The following SLC35F1 variants were observed in gnomAD, a reference collection of about 807,000 sequenced individuals.
SLC35F1 encodes the protein solute carrier family 35 member F1, also known as chromosome 6 open reading frame 169.
In SLC35F1, 14 loss-of-function variants were observed where a neutral mutation model predicts 48.7. The ratio of observed to expected loss-of-function variants is 0.29; its 90% CI spans 0.19 to 0.45. SLC35F1 has a LOEUF of 0.45. Ranked by LOEUF, SLC35F1 falls within the 20% of genes least tolerant of loss-of-function variation. SLC35F1 has a pLI of 1.00. For synonymous variants in SLC35F1, 190 were observed against 202.2 expected (o/e 0.94, Z 0.51); for missense variants, 404 against 500.0 (o/e 0.81, Z 1.83).
intron 3 of SLC35F1, among the ~76,000 whole-genome samples, chr6:118,261,790 G>A (rs1775715702): frequency 6.6e-6 from 1 of 152,104 alleles, no homozygotes; most frequent in South Asian, 2.1e-4. Flanking sequence ...AAGCACCGAT[G>A]ACCCAGAGGA....
intron 1 of SLC35F1, among the ~76,000 whole-genome samples, chr6:118,011,075 A>C (rs1424567709): frequency 6.6e-6 from 1 of 152,170 alleles, no homozygotes; most frequent in East Asian, 1.9e-4. Flanking sequence ...AGTGGTCCCC[A>C]ACCTTTTTGG....
intron 1 of SLC35F1, among the ~76,000 whole-genome samples, chr6:118,146,875 T>G (rs1418272864): frequency 6.6e-6 from 1 of 152,186 alleles, no homozygotes; most frequent in Non-Finnish European, 1.5e-5. Flanking sequence ...ATAAAAGGAA[T>G]AGATTTTAGG....
intron 7 of SLC35F1, among the ~76,000 whole-genome samples, chr6:118,302,211 A>G (rs1469496898): frequency 6.6e-6 from 1 of 152,166 alleles, no homozygotes; most frequent in Non-Finnish European, 1.5e-5. Context: ...ATGAGTGGGT[A>G]CCAATGCAAA....
rs10529265 is a variant in SLC35F1 at position 118,182,519 on chromosome 6, AGAAGGAAGGAAGGAAGGAAG to A, written c.349+27924_349+27943del. Among the ~76,000 whole-genome samples, 319 of 106,342 alleles carry A rather than the reference AGAAGGAAGGAAGGAAGGAAG, an allele frequency of 3.0e-3. 1 individual carries two copies. Among genetic ancestry groups the A allele is most frequent in the African/African-American group, 8.3e-3 (259 of 31,146 alleles). 69.8% of individuals were successfully genotyped at this position (106,342 alleles called of 152,430 possible). On this transcript the variant is annotated intron_variant, in intron 2 of 7. Transcript: ENST00000360388. ...AAAAAAAAGAAAGAGAGAGAGAGAGAGAAGGAAGGAAGGAAGGAAGGAAGGAAGGAAGGAAGGAAGGAAGA... is the reference window on the plus strand; with the variant it reads ...AAAAAAAAGAAAGAGAGAGAGAGAGAGAAGGAAGGAAGGAAGGAAGGAAGA...
intron 2 of SLC35F1, among the ~76,000 whole-genome samples, chr6:118,192,455 A>G (rs865932309): frequency 6.6e-6 from 1 of 151,898 alleles, no homozygotes; most frequent in African/African-American, 2.4e-5. Flanking sequence ...CCTTTCATGA[A>G]CCTCCTAAAA....
intron 2 of SLC35F1, among the ~76,000 whole-genome samples, chr6:118,159,220 C>CAAAAAAAA (rs60060945): frequency 2.7e-4 from 12 of 43,852 alleles, no homozygotes; most frequent in African/African-American, 1.2e-3. Context: ...GACTCTGTCT[C>CAAAAAAAA]AAAAAAAAAA....
intron 1 of SLC35F1, chr6:117,999,390 C>T: frequency 1.3e-6 from 2 of 1,583,632 alleles, no homozygotes; most frequent in Non-Finnish European, 1.7e-6. Context: ...GCAGCTCCAG[C>T]TTCAGTTCCA....
intron 1 of SLC35F1, among the ~76,000 whole-genome samples, chr6:118,073,404 T>G (rs1439864919): frequency 6.6e-6 from 1 of 152,230 alleles, no homozygotes; most frequent in Non-Finnish European, 1.5e-5. Context: ...CTATTATAAC[T>G]GCCTCATAGG....
chr6:118,223,950 T>C (rs1178593366), intron 2 of SLC35F1, among the ~76,000 whole-genome samples: 1 of 152,178 alleles, frequency 6.6e-6, no homozygotes, highest in East Asian at 1.9e-4. Flanking sequence ...GGCTCTTTGT[T>C]CAAAACAAAA....
chr6:118,184,391 A>C lies in SLC35F1; in HGVS notation c.349+29771A>C, dbSNP rs116086363. ...CCACAGTGTGGAATCTCTCCCAGAT[A>C]CTCTGTTAAAGGGAGTAACACACTA... On this transcript the variant is annotated intron_variant, in intron 2 of 7. Coordinates refer to ENST00000360388, the MANE Select transcript of SLC35F1 (RefSeq NM_001029858.4). Among the ~76,000 whole-genome samples the C allele has an allele frequency of 1.5e-3, 227 of 152,214 alleles. 1 individual carries two copies. Among genetic ancestry groups the C allele is most frequent in the African/African-American group, 5.1e-3 (213 of 41,540 alleles).
intron 1 of SLC35F1, among the ~76,000 whole-genome samples, chr6:117,952,141 T>C (rs1184532043): frequency 2.0e-5 from 3 of 152,222 alleles, no homozygotes; most frequent in Non-Finnish European, 4.4e-5. Context: ...TGCATTCCGA[T>C]GGATTGAGTC....
At chr6:117,908,909 A>G (rs1775730158) in intron 1 of SLC35F1, among the ~76,000 whole-genome samples, 1 of 152,192 alleles carries the variant, frequency 6.6e-6, no homozygotes, top group Non-Finnish European at 1.5e-5. Context: ...TGGGTAGCAG[A>G]GATTCCCAAC....
At chr6:117,931,316 C>A (rs1320485029) in intron 1 of SLC35F1, among the ~76,000 whole-genome samples, 1 of 152,132 alleles carries the variant, frequency 6.6e-6, no homozygotes, top group African/African-American at 2.4e-5. Context: ...AAAGTGGTTA[C>A]AAAAACAGAT....
intron 1 of SLC35F1, among the ~76,000 whole-genome samples, chr6:117,970,280 GTGA>G (rs1355484042): frequency 6.6e-6 from 1 of 152,184 alleles, no homozygotes; most frequent in Non-Finnish European, 1.5e-5. Context: ...CCTGACTATA[GTGA>G]TGATAAGAAC....
intron 3 of SLC35F1, among the ~76,000 whole-genome samples, chr6:118,236,819 G>A (rs909180491): frequency 5.3e-5 from 8 of 152,174 alleles, no homozygotes; most frequent in Non-Finnish European, 1.2e-4. Flanking sequence ...GACTGATGTT[G>A]GAAGAGATAC....
intron 2 of SLC35F1, among the ~76,000 whole-genome samples, chr6:118,183,297 C>G (rs1414423081): frequency 6.6e-6 from 1 of 151,998 alleles, no homozygotes; most frequent in African/African-American, 2.4e-5. Context: ...TGAGTTCCAC[C>G]TGGATGATTA....
chr6:118,050,300 G>T (rs1482177173), intron 1 of SLC35F1, among the ~76,000 whole-genome samples: 2 of 151,132 alleles, frequency 1.3e-5, no homozygotes, highest in Non-Finnish European at 2.9e-5. Context: ...CACCAACATG[G>T]CACATGTATA....
intron 1 of SLC35F1, among the ~76,000 whole-genome samples, chr6:118,120,060 G>A (rs746422731): frequency 6.6e-6 from 1 of 152,174 alleles, no homozygotes; most frequent in Non-Finnish European, 1.5e-5. Context: ...TAAACACACA[G>A]ATGGTTTCCC....
At chr6:118,297,795 T>C (rs1776210783) in intron 7 of SLC35F1, among the ~76,000 whole-genome samples, 1 of 147,598 alleles carries the variant, frequency 6.8e-6, no homozygotes, top group African/African-American at 2.5e-5. Context: ...TATATTTTTT[T>C]TCAGTTGAGC....
Sources: gnomAD v4.1 joint callset for allele counts (sites outside exome capture counted in the v4.1 genomes callset) on GRCh38, gnomAD v4.1.1 for gene constraint, MANE v1.5 for transcripts, NCBI Gene and HGNC (gene_info 2026-07-23, HGNC 2026-07-21) for gene names.